The following MCF2L2 variants were observed in gnomAD, a reference collection of about 807,000 sequenced individuals.
MCF2L2 encodes the protein MCF.2 cell line derived transforming sequence-like 2, also known as probable guanine nucleotide exchange factor MCF2L2.
In MCF2L2, 102 loss-of-function variants were observed where a neutral mutation model predicts 150.2. That is an observed-to-expected ratio of 0.68 (90% CI 0.58 to 0.80). MCF2L2 has a LOEUF of 0.80. Ranked by LOEUF, MCF2L2 falls within the 30% of genes least tolerant of loss-of-function variation. The probability of loss-of-function intolerance (pLI) is 0.00; values close to 1 mark genes in which losing one functional copy is unlikely to be tolerated. For missense variants in MCF2L2, 1,256 were observed against 1,372.8 expected (o/e 0.91, Z 1.34); for synonymous variants, 465 against 491.3 (o/e 0.95, Z 0.71).
chr3:183,325,156 T>C (rs1239800438), intron 5 of MCF2L2, among the ~76,000 whole-genome samples: 2 of 148,440 alleles, frequency 1.3e-5, no homozygotes, highest in Non-Finnish European at 3.0e-5. Flanking sequence ...TTAGGAGATA[T>C]ACCTAATGCT....
intron 10 of MCF2L2, 38 bp from the exon 11 acceptor site, chr3:183,300,234 A>C (rs1728770875): frequency 6.4e-7 from 1 of 1,556,932 alleles, no homozygotes; most frequent in African/African-American, 1.4e-5. Flanking sequence ...GTCAGAAGTC[A>C]GAGCATCATG....
chr3:183,209,406 G>A (rs762969016), intron 22 of MCF2L2, among the ~76,000 whole-genome samples: 32 of 152,316 alleles, frequency 2.1e-4, no homozygotes, highest in Non-Finnish European at 3.4e-4. Flanking sequence ...TGACACTGGA[G>A]GTGAAAAATT....
intron 12 of MCF2L2, 52 bp downstream of exon 12, chr3:183,296,924 C>T (rs1728537922): frequency 1.3e-6 from 2 of 1,563,198 alleles, no homozygotes; most frequent in Non-Finnish European, 1.7e-6. Context: ...ACAGTCCCTC[C>T]CTCCCCTATC....
At chr3:183,295,247 T>G (rs902958528) in intron 13 of MCF2L2, 53 bp downstream of exon 13, 1 of 1,532,710 alleles carries the variant, frequency 6.5e-7, no homozygotes, top group Non-Finnish European at 8.8e-7. Context: ...ACAGTCCTCA[T>G]GGTGCTGATG....
At chr3:183,206,026 G>A in intron 24 of MCF2L2, 72 bp from the exon 25 acceptor site, 1 of 1,545,354 alleles carries the variant, frequency 6.5e-7, no homozygotes, top group Non-Finnish European at 8.9e-7. Context: ...TTCTCCCAGT[G>A]ACCGTTAGAC....
chr3:183,269,230 CTTTTTTTTTTTTT>C (rs60835895), intron 15 of MCF2L2, among the ~76,000 whole-genome samples: 1 of 81,030 alleles, frequency 1.2e-5, no homozygotes, highest in African/African-American at 6.4e-5. Context: ...GTTTGGGAAG[CTTTTTTTTTTTTT>C]TTTTTAAGAG....
intron 26 of MCF2L2, 83 bp downstream of exon 26, chr3:183,195,139 A>G: frequency 9.0e-7 from 1 of 1,115,842 alleles, no homozygotes; most frequent in Non-Finnish European, 1.3e-6. Flanking sequence ...GGGGAAGAAA[A>G]GCAATAAAAG....
intron 1 of MCF2L2, among the ~76,000 whole-genome samples, chr3:183,408,985 AC>A (rs1715184289): frequency 6.6e-6 from 1 of 152,234 alleles, no homozygotes; most frequent in Admixed American, 6.5e-5. Context: ...AGATTATTAG[AC>A]TTTTTGTTTG....
chr3:183,389,601 T>C, intron 2 of MCF2L2, 95 bp downstream of exon 2: 1 of 1,064,952 alleles, frequency 9.4e-7, no homozygotes, highest in Non-Finnish European at 1.4e-6. Context: ...GTGAGTGAGA[T>C]TTGAGTATAA....
intron 27 of MCF2L2, among the ~76,000 whole-genome samples, chr3:183,185,232 TTTTA>T (rs1721655671): frequency 6.6e-6 from 1 of 152,234 alleles, no homozygotes; most frequent in Non-Finnish European, 1.5e-5. Flanking sequence ...ATGCACAACT[TTTTA>T]AGGACCATCT....
At chr3:183,255,054 A>T (rs1724915294) in intron 15 of MCF2L2, among the ~76,000 whole-genome samples, 1 of 152,234 alleles carries the variant, frequency 6.6e-6, no homozygotes, top group Admixed American at 6.5e-5. Flanking sequence ...ACAGTGGCCG[A>T]TGGTGGCCTG....
chr3:183,185,279 T>G (rs1721657126), intron 27 of MCF2L2, among the ~76,000 whole-genome samples: 2 of 152,250 alleles, frequency 1.3e-5, no homozygotes, highest in Admixed American at 1.3e-4. Context: ...TCATTTTCAC[T>G]TGGGGGTGGG....
At chr3:183,399,326 G>C (rs1005674645) in intron 1 of MCF2L2, among the ~76,000 whole-genome samples, 1 of 152,072 alleles carries the variant, frequency 6.6e-6, no homozygotes, top group Non-Finnish European at 1.5e-5. Context: ...GAAGAAACAG[G>C]TTCCAAGTAT....
rs76085389 is a variant in MCF2L2, at chr3:183,417,146, T to G, written c.76+10756A>C. 5.1e-3 allele frequency among the ~76,000 whole-genome samples: 463 copies of G among 91,646 alleles called. 7 individuals carry two copies. The highest frequency in any genetic ancestry group is 0.017 in the African/African-American group (419 of 24,444). The allele number at this position is 91,646 out of a possible 152,430, so 60.1% of individuals were successfully genotyped here. A position where few individuals can be genotyped will look rare whatever the true frequency, so the allele number is the denominator to read the frequency against. On this transcript the variant is annotated intron_variant, in intron 1 of 29. Transcript: ENST00000328913. Reference sequence around the variant, plus strand: ...AAAAAAAAAAAAAAAAAAAAAAAAATGGTAATTTAGAGATCATTTAAAGTA... The same window carrying G: ...AAAAAAAAAAAAAAAAAAAAAAAAAGGGTAATTTAGAGATCATTTAAAGTA...
At chr3:183,208,416 C>T (rs1355469815) in intron 22 of MCF2L2, among the ~76,000 whole-genome samples, 2 of 152,184 alleles carry the variant, frequency 1.3e-5, no homozygotes, top group East Asian at 1.9e-4. Flanking sequence ...AGTGAGTCAA[C>T]AGTGCCAAGA....
At chr3:183,345,824 A>T (rs1730876258) in intron 3 of MCF2L2, among the ~76,000 whole-genome samples, 1 of 152,226 alleles carries the variant, frequency 6.6e-6, no homozygotes, top group Admixed American at 6.5e-5. Context: ...ATCTAGAAGA[A>T]ACGGATAAAT....
At chr3:183,352,738 T>G (rs1233804285) in intron 3 of MCF2L2, among the ~76,000 whole-genome samples, 1 of 152,156 alleles carries the variant, frequency 6.6e-6, no homozygotes, top group Non-Finnish European at 1.5e-5. Context: ...TCACTTCCCT[T>G]CTGGATCCTG....
intron 1 of MCF2L2, among the ~76,000 whole-genome samples, chr3:183,424,788 G>A (rs1018461045): frequency 3.3e-5 from 5 of 152,172 alleles, no homozygotes; most frequent in Admixed American, 3.3e-4. Flanking sequence ...CTATTTCTGT[G>A]AGAAATATAC....
intron 15 of MCF2L2, among the ~76,000 whole-genome samples, chr3:183,250,740 C>T (rs562194753): frequency 1.3e-5 from 2 of 152,132 alleles, no homozygotes; most frequent in South Asian, 4.2e-4. Flanking sequence ...GCGGCGGAGC[C>T]AAGGAGATAG....
Sources: allele counts gnomAD v4.1 joint callset (sites outside exome capture counted in the v4.1 genomes callset), GRCh38; gene constraint gnomAD v4.1.1; transcripts MANE v1.5; gene names NCBI Gene and HGNC (gene_info 2026-07-23, HGNC 2026-07-21).